DCN: variants seen among roughly 807,000 people sequenced by gnomAD.
DCN encodes the protein decorin, also known as bone proteoglycan II.
Under a neutral mutation model 36.5 loss-of-function variants are expected in DCN, and 17 were observed. That is an observed-to-expected ratio of 0.47 (90% CI 0.32 to 0.70). The LOEUF is 0.70. Among genes scored for constraint, DCN ranks in the 30% least tolerant of loss-of-function variants. The pLI is 0.04. For synonymous variants in DCN, 163 were observed against 161.4 expected (o/e 1.01, Z -0.07); for missense variants, 389 against 430.1 (o/e 0.90, Z 0.84).
intron 1 of DCN, chr12:91,179,464 A>C (rs1043761457): frequency 6.6e-6 from 1 of 152,266 alleles, no homozygotes; most frequent in African/African-American, 2.4e-5. Flanking sequence ...CTCTGCTCCC[A>C]AAGCACGTTG....
At chr12:91,179,141 C>T (rs1424720806) in intron 1 of DCN, 8 of 160,504 alleles carry the variant, frequency 5.0e-5, no homozygotes, top group African/African-American at 1.2e-4. Context: ...CCTGAGTCAT[C>T]GTCTAAAAAT....
chr12:91,147,124 A>G (rs1881075521), intron 7 of DCN, among the ~76,000 whole-genome samples: 1 of 152,136 alleles, frequency 6.6e-6, no homozygotes, highest in South Asian at 2.1e-4. Context: ...AAAGTTCTCA[A>G]AGGGGCCTAC....
intron 2 of DCN, chr12:91,175,800 C>T (rs1883253184): frequency 6.6e-6 from 1 of 152,106 alleles, no homozygotes; most frequent in Non-Finnish European, 1.5e-5. Flanking sequence ...ATGCTTAGAT[C>T]ACTAGAGGAC....
At chr12:91,163,416 C>T (rs545477294) in intron 3 of DCN, among the ~76,000 whole-genome samples, 2 of 152,252 alleles carry the variant, frequency 1.3e-5, no homozygotes, top group African/African-American at 4.8e-5. Flanking sequence ...TAGATGCAAC[C>T]ACACAAGACA....
At chr12:91,179,968 A>G (rs1883501087) in intron 1 of DCN, among the ~76,000 whole-genome samples, 1 of 152,228 alleles carries the variant, frequency 6.6e-6, no homozygotes, top group Non-Finnish European at 1.5e-5. Flanking sequence ...TCATTCCACA[A>G]GCACGAATCT....
At chr12:91,151,562 T>A in intron 7 of DCN, 92 bp downstream of exon 7, 1 of 1,496,436 alleles carries the variant, frequency 6.7e-7, no homozygotes, top group Non-Finnish European at 9.2e-7. Flanking sequence ...AAAAAACTTC[T>A]AAGAAGAGCT....
At chr12:91,152,194 A>T (rs1398261812) in intron 6 of DCN, among the ~76,000 whole-genome samples, 2 of 152,166 alleles carry the variant, frequency 1.3e-5, no homozygotes, top group African/African-American at 4.8e-5. Context: ...TGTGCATGAT[A>T]TTATGCTAGG....
At chr12:91,157,515 T>G (rs1055884946) in intron 4 of DCN, among the ~76,000 whole-genome samples, 11 of 152,214 alleles carry the variant, frequency 7.2e-5, no homozygotes, top group African/African-American at 2.4e-4. Context: ...AGTTTACAAT[T>G]CCCATCTTAC....
At position 91,151,606 on chromosome 12, in the gene DCN, G is replaced by GATCCCATAA. The variant is rs754143721; in HGVS notation, c.885+47_885+48insTTATGGGAT. ...CCCAGCATCCCATAAGCAGGGTGGG[G>GATCCCATAA]GTCTTGCTTTTTGGATATTCCTCAC... is the stretch of plus-strand genomic sequence containing the variant. On this transcript the variant is annotated intron_variant, in intron 7 of 7. Transcript: ENST00000052754. 130 of 1,610,518 alleles carry GATCCCATAA rather than the reference G, an allele frequency of 8.1e-5. No individual in the cohort carries two copies. In the Admixed American group the frequency reaches 9.3e-4, roughly 12 times the overall value.
At chr12:91,166,162 C>T (rs1882555158) in intron 2 of DCN, among the ~76,000 whole-genome samples, 1 of 151,982 alleles carries the variant, frequency 6.6e-6, no homozygotes, top group South Asian at 2.1e-4. Flanking sequence ...GTTGGGGTTG[C>T]AGGTGGAATC....
At position 91,143,993 on chromosome 12, in the gene DCN, A is replaced by G. The variant is rs1880866741; in HGVS notation, c.*2065T>C. 1 of 151,968 alleles carries G rather than the reference A, an allele frequency of 6.6e-6. No homozygotes were observed. 9.4% of individuals were successfully genotyped at this position (151,968 alleles called of 1,614,324 possible). A position where few individuals can be genotyped will look rare whatever the true frequency, so the allele number is the denominator to read the frequency against. On this transcript the variant is annotated 3_prime_UTR_variant, in exon 8 of 8. Coordinates refer to ENST00000052754, the MANE Select transcript of DCN (RefSeq NM_001920.5). The stretch of plus-strand genomic sequence containing the variant: ...TTAGAAGTAGCTTGACTACTGGAAA[A>G]GTGTGTTGGATCTGCCTTGCAGATA...
Position 91,157,112 on chromosome 12 carries a change from G to T in DCN, c.615C>A (p.Ile205=). The change falls in exon 5 of 8, where the codon ATC becomes ATA. Residue 205 remains isoleucine (I), a synonymous_variant. Transcript: ENST00000052754. ...TGGTGATATTGGTATCAGCAATGCG[G>T]ATGTAGGAGAGCTTCTTCATTCCCT... The part of the protein sequence containing the change: ...AFQGMKKLSY[I]RIADTNITSI... The T allele has an allele frequency of 1.9e-6, 3 of 1,612,734 alleles. No individual in the cohort carries two copies. The highest frequency in any genetic ancestry group is 2.5e-6 in the Non-Finnish European group (3 of 1,178,802).
chr12:91,164,583 G>A lies in DCN; in HGVS notation c.324+22C>T, dbSNP rs146575397. ...TACCTTGAGTCTTATCTTATTGTGA[G>A]TTAAAAAAAAATAGTTCTTACGTGA... On this transcript the variant is annotated intron_variant, in intron 3 of 7. Transcript: ENST00000052754. 22 of 1,341,406 alleles carry A rather than the reference G, an allele frequency of 1.6e-5. No individual in the cohort carries two copies. In the East Asian group the frequency reaches 4.6e-4, roughly 28 times the overall value. The allele number at this position is 1,341,406 out of a possible 1,614,324, so 83.1% of individuals were successfully genotyped here. A position where few individuals can be genotyped will look rare whatever the true frequency, so the allele number is the denominator to read the frequency against.
In DCN at chr12:91,158,303, A is replaced by C. The variant is rs1025929252; in HGVS notation, c.531T>G (p.Ile177Met). ...KVTFNGLNQMIVIELGTNPLK... is the reference protein window; with the variant it reads ...KVTFNGLNQMMVIELGTNPLK... ...TTATAAAAATGTCTGTACCTATGAC[A>C]ATCATCTGGTTCAGTCCATTGAAAG... The change falls in exon 4 of 8, where the codon ATT becomes ATG. Residue 177 changes from isoleucine (I) to methionine (M), a missense_variant. Transcript: ENST00000052754. 2 of 1,593,912 alleles carry C rather than the reference A, an allele frequency of 1.3e-6. No individual in the cohort carries two copies. Among genetic ancestry groups the C allele is most frequent in the African/African-American group, 2.7e-5 (2 of 74,522 alleles).
intron 2 of DCN, among the ~76,000 whole-genome samples, chr12:91,173,313 C>T (rs550660886): frequency 6.6e-6 from 1 of 152,198 alleles, no homozygotes; most frequent in East Asian, 1.9e-4. Flanking sequence ...TCACAAAATG[C>T]CTTGATCCCA....
At chr12:91,155,044 A>T (rs1476884548) in intron 5 of DCN, among the ~76,000 whole-genome samples, 2 of 152,130 alleles carry the variant, frequency 1.3e-5, no homozygotes, top group African/African-American at 4.8e-5. Context: ...GAGGTTGCTG[A>T]TATTCAGGCA....
chr12:91,143,201 T>G lies in DCN; in HGVS notation c.*2857A>C, dbSNP rs965347205. ...AAGGAAAGGTCCTCTCCTAAAGGCT[T>G]TGGAAGGAATCTGACCCTGCTGACA... On this transcript the variant is annotated 3_prime_UTR_variant, in exon 8 of 8. Coordinates refer to ENST00000052754, the MANE Select transcript of DCN (RefSeq NM_001920.5). 3 of 152,112 alleles carry G rather than the reference T, an allele frequency of 2.0e-5. No individual in the cohort carries two copies. Among genetic ancestry groups the G allele is most frequent in the Non-Finnish European group, 4.4e-5 (3 of 68,020 alleles). 9.4% of individuals were successfully genotyped at this position (152,112 alleles called of 1,614,324 possible). A position where few individuals can be genotyped will look rare whatever the true frequency, so the allele number is the denominator to read the frequency against.
Position 91,145,743 on chromosome 12 carries a change from TA to T in DCN, c.*314del. ...ACTCTTTTTATTTTTTCCTGGAAATTAAAAAAGAAAAGCTTTACTAAATATT... is the reference window on the plus strand; with the variant it reads ...ACTCTTTTTATTTTTTCCTGGAAATTAAAAAGAAAAGCTTTACTAAATATT... On this transcript the variant is annotated 3_prime_UTR_variant, in exon 8 of 8. Coordinates refer to ENST00000052754, the MANE Select transcript of DCN (RefSeq NM_001920.5). The T allele has an allele frequency of 4.8e-6, 2 of 417,884 alleles. No homozygotes were observed. Among genetic ancestry groups the T allele is most frequent in the Non-Finnish European group, 9.1e-6 (2 of 220,658 alleles). The allele number at this position is 417,884 out of a possible 1,614,324, so 25.9% of individuals were successfully genotyped here. A position where few individuals can be genotyped will look rare whatever the true frequency, so the allele number is the denominator to read the frequency against.
intron 3 of DCN, among the ~76,000 whole-genome samples, chr12:91,159,573 AT>A (rs1361538793): frequency 6.6e-6 from 1 of 151,726 alleles, no homozygotes; most frequent in Non-Finnish European, 1.5e-5. Flanking sequence ...GCCTTAACAT[AT>A]TTTTCTCCTG....
Sources: allele counts gnomAD v4.1 joint callset (sites outside exome capture counted in the v4.1 genomes callset), GRCh38; gene constraint gnomAD v4.1.1; transcripts MANE v1.5; gene names NCBI Gene and HGNC (gene_info 2026-07-23, HGNC 2026-07-21).